The following AGGF1 variants were observed in gnomAD, a reference collection of about 807,000 sequenced individuals.
AGGF1 encodes the protein angiogenic factor with G-patch and FHA domains 1.
AGGF1 carries 56 observed loss-of-function variants against 86.5 expected under a neutral mutation model. The ratio of observed to expected loss-of-function variants is 0.65; its 90% CI spans 0.52 to 0.81. The LOEUF is 0.81. AGGF1 is among the 30% of genes least tolerant of loss of function. The pLI is 0.00. For missense variants in AGGF1, 816 were observed against 850.9 expected (o/e 0.96, Z 0.51); for synonymous variants, 313 against 297.1 (o/e 1.05, Z -0.55).
chr5:77,039,445 T>A (rs1015485798), intron 4 of AGGF1, 86 bp from the exon 5 acceptor site: 7 of 1,011,416 alleles, frequency 6.9e-6, no homozygotes, highest in Non-Finnish European at 8.8e-6. Flanking sequence ...AAAGAAATAT[T>A]TACCACATTT....
At position 77,059,720 on chromosome 5, in the gene AGGF1, T is replaced by C; in HGVS notation, c.1821T>C (p.Asp607=). 1 of 1,613,898 alleles carries C rather than the reference T, an allele frequency of 6.2e-7. No homozygotes were observed. The highest frequency in any genetic ancestry group is 8.5e-7 in the Non-Finnish European group (1 of 1,179,802). Residue 607 remains aspartate (D), a synonymous_variant, in exon 12 of 14, where the codon GAT becomes GAC. Coordinates refer to ENST00000312916, the MANE Select transcript of AGGF1 (RefSeq NM_018046.5). ...QVGSEGTFQR[D]DAPASVHSEI... ...GAAGTGAAGGAACTTTCCAAAGAGA[T>C]GATGCTCCTGCATCTGTTCATTCGT...
In AGGF1 at chr5:77,042,805, C is replaced by CGG. The variant is rs1267190972; in HGVS notation, c.870+3090_870+3091dup. ...CTCCCGGACGGGGCGGCTGGCCGGG[C>CGG]GGGGGCTGACCCCCCCACCTCCCTC... On this transcript the variant is annotated intron_variant, in intron 5 of 13. Transcript: ENST00000312916. Among the ~76,000 whole-genome samples, 27 of 14,592 alleles carry CGG rather than the reference C, an allele frequency of 1.9e-3. 8 individuals carry two copies. Among genetic ancestry groups the CGG allele is most frequent in the Non-Finnish European group, 4.1e-3 (24 of 5,834 alleles). The allele number at this position is 14,592 out of a possible 152,430, so 9.6% of individuals were successfully genotyped here.
intron 13 of AGGF1, among the ~76,000 whole-genome samples, chr5:77,062,244 G>T (rs908291002): frequency 2.6e-5 from 4 of 152,170 alleles, no homozygotes; most frequent in African/African-American, 4.8e-5. Context: ...TTAATTAATG[G>T]TCCCATGGTT....
intron 5 of AGGF1, among the ~76,000 whole-genome samples, chr5:77,041,383 A>G (rs1454236849): frequency 6.6e-6 from 1 of 152,046 alleles, no homozygotes; most frequent in Non-Finnish European, 1.5e-5. Context: ...CCTGGCCAAC[A>G]TGGTGAATCC....
rs1457817179 is a variant in AGGF1 at position 77,030,809 on chromosome 5, C to T, written c.43C>T (p.Pro15Ser). The stretch of plus-strand genomic sequence containing the variant: ...GTCCCCGCCGCGGTCGCCGCCGCCG[C>T]CCACCTCCCCCGAGCCTGAGCTGGC... ...APSPPRSPPP[P>S]TSPEPELAQL... is the part of the protein sequence containing the mutation. The change falls in exon 1 of 14, where the codon CCC (proline) becomes TCC (serine). Residue 15 changes from proline to serine, a missense_variant. Pro to Ser is a moderately conservative substitution (Grantham distance 74). Around this residue, in one of 3 missense-constraint regions of AGGF1, gnomAD observed 240 missense variants for 234.4 expected, o/e 1.02. Transcript: ENST00000312916. 2 of 1,604,626 alleles carry T rather than the reference C, an allele frequency of 1.2e-6. No homozygotes were observed. Among genetic ancestry groups the T allele is most frequent in the Admixed American group, 1.7e-5 (1 of 59,484 alleles).
rs967524592 is a variant in AGGF1, at chr5:77,030,520, A to C, written c.-247A>C. ...GTAGCTGGAGAAGGTAGTTTCCAGGAAAGTTTTCCGGTTTGCAGGCCGCGC... is the reference window on the plus strand; with the variant it reads ...GTAGCTGGAGAAGGTAGTTTCCAGGCAAGTTTTCCGGTTTGCAGGCCGCGC... On this transcript the variant is annotated 5_prime_UTR_variant, in exon 1 of 14. Coordinates refer to ENST00000312916, the MANE Select transcript of AGGF1 (RefSeq NM_018046.5). 1.5e-6 allele frequency: 1 copy of C among 679,498 alleles called. No individual in the cohort carries two copies. Among genetic ancestry groups the C allele is most frequent in the South Asian group, 1.5e-5 (1 of 66,578 alleles). 42.1% of individuals were successfully genotyped at this position (679,498 alleles called of 1,614,324 possible). A position where few individuals can be genotyped will look rare whatever the true frequency, so the allele number is the denominator to read the frequency against.
rs187552547 is a variant in AGGF1, at chr5:77,053,880, T to C, written c.1468-85T>C. 2.9e-5 allele frequency: 40 copies of C among 1,357,118 alleles called. No individual in the cohort carries two copies. The Admixed American group carries it at 6.8e-4, about 23-fold the overall frequency. 84.1% of individuals were successfully genotyped at this position (1,357,118 alleles called of 1,614,324 possible). A position where few individuals can be genotyped will look rare whatever the true frequency, so the allele number is the denominator to read the frequency against. On this transcript the variant is annotated intron_variant, in intron 9 of 13. Transcript: ENST00000312916. ...GCTATTTTAAATATATTTTAAAAATTATAATCAGACATTACTTACAGTAGA... is the reference window on the plus strand; with the variant it reads ...GCTATTTTAAATATATTTTAAAAATCATAATCAGACATTACTTACAGTAGA...
intron 11 of AGGF1, among the ~76,000 whole-genome samples, chr5:77,056,469 C>G (rs1747461160): frequency 6.6e-6 from 1 of 151,762 alleles, no homozygotes; most frequent in African/African-American, 2.4e-5. Context: ...CTCAGGTGAT[C>G]TGCCCACCTT....
At chr5:77,058,978 C>T (rs1747504073) in intron 11 of AGGF1, among the ~76,000 whole-genome samples, 1 of 152,088 alleles carries the variant, frequency 6.6e-6, no homozygotes, top group African/African-American at 2.4e-5. Context: ...TTAAATGGAG[C>T]TTTATTGAAG....
Position 77,030,921 on chromosome 5 carries a change from A to G in AGGF1, c.155A>G (p.His52Arg). The change falls in exon 1 of 14, where the codon CAC becomes CGC. Residue 52 changes from histidine (H) to arginine (R), a missense_variant. Physicochemically the swap from His to Arg is conservative, Grantham distance 29. Transcript: ENST00000312916. ...QVREIEKLLHHTERLYQNAES... is the reference protein window; with the variant it reads ...QVREIEKLLHRTERLYQNAES... ...CGGGAGATCGAGAAGCTGCTGCATC[A>G]CACAGAACGGCTGTACCAGAACGCA... The G allele has an allele frequency of 1.9e-6, 3 of 1,613,346 alleles. No individual in the cohort carries two copies. The highest frequency in any genetic ancestry group is 2.5e-6 in the Non-Finnish European group (3 of 1,179,992).
chr5:77,048,381 G>T (rs1747308709), intron 7 of AGGF1, 109 bp downstream of exon 7: 1 of 897,666 alleles, frequency 1.1e-6, no homozygotes. Context: ...AGACAGAGTT[G>T]TGCTCTGTTG....
intron 5 of AGGF1, among the ~76,000 whole-genome samples, chr5:77,045,807 G>A (rs1324355656): frequency 6.6e-6 from 1 of 152,208 alleles, no homozygotes; most frequent in African/African-American, 2.4e-5. Flanking sequence ...TGTGGCTGTT[G>A]AGCACTTGAA....
At chr5:77,056,877 A>G (rs1443653549) in intron 11 of AGGF1, among the ~76,000 whole-genome samples, 3 of 152,244 alleles carry the variant, frequency 2.0e-5, no homozygotes, top group East Asian at 3.9e-4. Flanking sequence ...AAAGACTTCT[A>G]TATCTAGAAT....
intron 6 of AGGF1, among the ~76,000 whole-genome samples, chr5:77,047,776 C>T (rs1425302591): frequency 6.6e-6 from 1 of 150,640 alleles, no homozygotes; most frequent in African/African-American, 2.4e-5. Context: ...CGTCGGCCCC[C>T]CAAAGTGCTG....
At chr5:77,033,708 T>C (rs970110918) in intron 1 of AGGF1, among the ~76,000 whole-genome samples, 3 of 152,230 alleles carry the variant, frequency 2.0e-5, no homozygotes, top group Admixed American at 6.5e-5. Flanking sequence ...GCTTGTTTTT[T>C]AGTTGGTTTC....
chr5:77,057,258 G>A (rs533752153), intron 11 of AGGF1, among the ~76,000 whole-genome samples: 2 of 151,932 alleles, frequency 1.3e-5, no homozygotes. Context: ...ATTTACCCAA[G>A]GTAAATGCAA....
At position 77,061,771 on chromosome 5, in the gene AGGF1, T is replaced by C; in HGVS notation, c.1913T>C (p.Leu638Pro). 2 of 1,532,360 alleles carry C rather than the reference T, an allele frequency of 1.3e-6. No homozygotes were observed. The highest frequency in any genetic ancestry group is 3.6e-4 in the Middle Eastern group (2 of 5,624). 94.9% of individuals were successfully genotyped at this position (1,532,360 alleles called of 1,614,324 possible). ...EKMGWKKGEG[L>P]GKDGGGMKTP... ...ATGGGTTGGAAGAAAGGAGAGGGCCTGGGGAAGGATGGTGGAGGAATGAAA... is the reference window on the plus strand; with the variant it reads ...ATGGGTTGGAAGAAAGGAGAGGGCCCGGGGAAGGATGGTGGAGGAATGAAA... Residue 638 changes from leucine (L) to proline (P), a missense_variant, in exon 13 of 14, where the codon CTG becomes CCG. By Grantham distance (98) the Leu-to-Pro change is moderately conservative. This residue lies in a region of AGGF1 where 565 missense variants were observed against 585.8 expected (regional missense o/e 0.96). Coordinates refer to ENST00000312916, the MANE Select transcript of AGGF1 (RefSeq NM_018046.5).
Position 77,063,265 on chromosome 5 carries a change from G to GA in AGGF1, c.*21dup, listed in dbSNP as rs34239222. ...GACTTTAGAGTGAAGGCTAATCATAGAAAAAAAACCTCTAGTTTTTTTAAA... is the reference window on the plus strand; with the variant it reads ...GACTTTAGAGTGAAGGCTAATCATAGAAAAAAAAACCTCTAGTTTTTTTAAA... On this transcript the variant is annotated 3_prime_UTR_variant, in exon 14 of 14. Transcript: ENST00000312916. The GA allele has an allele frequency of 0.25, 396,378 of 1,604,422 alleles. 49,890 individuals carry two copies. The highest frequency in any genetic ancestry group is 0.26 in the Admixed American group (15,367 of 59,024).
intron 10 of AGGF1, among the ~76,000 whole-genome samples, chr5:77,054,740 CTT>C (rs1257752359): frequency 1.6e-4 from 24 of 151,930 alleles, no homozygotes; most frequent in African/African-American, 4.8e-4. Flanking sequence ...GTAATTATGA[CTT>C]AAGTAATAAT....
Sources: gnomAD v4.1 joint callset for allele counts (sites outside exome capture counted in the v4.1 genomes callset) on GRCh38, gnomAD v4.1.1 for gene constraint, gnomAD v4.1.1 regional missense constraint, MANE v1.5 for transcripts, NCBI Gene and HGNC (gene_info 2026-07-23, HGNC 2026-07-21) for gene names.